EXOC6: variants seen among roughly 807,000 people sequenced by gnomAD.
EXOC6 encodes the protein exocyst complex component 6, also known as SEC15-like 1.
A neutral mutation model predicts 112.5 loss-of-function variants in EXOC6; 60 were observed. The ratio of observed to expected loss-of-function variants is 0.53; its 90% CI spans 0.43 to 0.66. EXOC6 has a LOEUF of 0.66. Ranked by LOEUF, EXOC6 falls within the 30% of genes least tolerant of loss-of-function variation. The pLI is 0.00. For synonymous variants in EXOC6, 295 were observed against 308.0 expected (o/e 0.96, Z 0.44); for missense variants, 855 against 957.1 (o/e 0.89, Z 1.41).
chr10:92,915,030 G>A (rs1196126591), intron 6 of EXOC6, among the ~76,000 whole-genome samples: 1 of 152,170 alleles, frequency 6.6e-6, no homozygotes, highest in Non-Finnish European at 1.5e-5. Flanking sequence ...TCAATTGTGG[G>A]ATAACAGCTT....
upstream of EXOC6, among the ~76,000 whole-genome samples, chr10:92,833,074 G>A (rs556975613): frequency 6.6e-6 from 1 of 152,348 alleles, no homozygotes; most frequent in African/African-American, 2.4e-5. Context: ...ATCCTGCCAT[G>A]GAGCAAAACT....
Position 92,915,832 on chromosome 10 carries a change from A to G in EXOC6, c.738A>G (p.Ile246Met), listed in dbSNP as rs752300016. The stretch of plus-strand genomic sequence containing the variant: ...TGAAATTTGGGAAAAATATGTATAT[A>G]AATCGTGATAGAATTCCAGAGGAAA... ...NKMKFGKNMYINRDRIPEERN... is the reference protein window; with the variant it reads ...NKMKFGKNMYMNRDRIPEERN... The change falls in exon 7 of 22, where the codon ATA (isoleucine) becomes ATG (methionine). Residue 246 changes from isoleucine (I) to methionine (M), a missense_variant. Physicochemically the swap from Ile to Met is conservative, Grantham distance 10. Transcript: ENST00000260762. The G allele has an allele frequency of 3.9e-6, 6 of 1,545,596 alleles. No homozygotes were observed. The highest frequency in any genetic ancestry group is 5.2e-6 in the Non-Finnish European group (6 of 1,154,626).
intron 20 of EXOC6, among the ~76,000 whole-genome samples, chr10:93,044,493 C>A (rs967903826): frequency 6.6e-6 from 1 of 152,096 alleles, no homozygotes; most frequent in Non-Finnish European, 1.5e-5. Context: ...TCCTTAGTTT[C>A]CTTATTTCCA....
intron 1 of EXOC6, among the ~76,000 whole-genome samples, chr10:92,842,440 GTCATCATCA>G (rs137992222): frequency 2.7e-5 from 4 of 147,806 alleles, no homozygotes; most frequent in South Asian, 2.1e-4. Context: ...AATGTCAGCT[GTCATCATCA>G]TCATCATCAT....
intron 4 of EXOC6, among the ~76,000 whole-genome samples, chr10:92,898,627 C>T (rs1006336449): frequency 2.6e-5 from 4 of 152,008 alleles, no homozygotes; most frequent in African/African-American, 9.7e-5. Context: ...TTTATGTGTT[C>T]CCTCTAATGC....
At chr10:92,937,052 A>G (rs2133963157) in intron 12 of EXOC6, among the ~76,000 whole-genome samples, 1 of 152,354 alleles carries the variant, frequency 6.6e-6, no homozygotes, top group East Asian at 1.9e-4. Context: ...AAATTATTTC[A>G]GAACTCAATA....
At chr10:92,915,978 C>G in intron 7 of EXOC6, 65 bp downstream of exon 7, 1 of 1,151,154 alleles carries the variant, frequency 8.7e-7, no homozygotes, top group Non-Finnish European at 1.2e-6. Flanking sequence ...TTGTAATGTA[C>G]ATCTGTGTGA....
At chr10:92,990,423 A>G (rs1051686857) in intron 18 of EXOC6, among the ~76,000 whole-genome samples, 3 of 152,196 alleles carry the variant, frequency 2.0e-5, no homozygotes, top group African/African-American at 4.8e-5. Flanking sequence ...GTCAGGGCTT[A>G]GTTGGAAGTA....
intron 20 of EXOC6, among the ~76,000 whole-genome samples, chr10:93,020,576 G>A (rs938996884): frequency 6.6e-6 from 1 of 151,998 alleles, no homozygotes; most frequent in African/African-American, 2.4e-5. Context: ...GCCTAGCTTC[G>A]AGGGCCCATC....
At chr10:92,839,174 G>A (rs1846754430) in intron 1 of EXOC6, among the ~76,000 whole-genome samples, 1 of 152,048 alleles carries the variant, frequency 6.6e-6, no homozygotes, top group Non-Finnish European at 1.5e-5. Flanking sequence ...TTTGCCCTGG[G>A]CATCATTGTT....
chr10:92,934,041 G>T, intron 9 of EXOC6, 103 bp from the exon 10 acceptor site: 1 of 675,392 alleles, frequency 1.5e-6, no homozygotes, highest in South Asian at 2.2e-5. Flanking sequence ...GCATATAGTA[G>T]ACTCTCAATA....
intron 17 of EXOC6, among the ~76,000 whole-genome samples, chr10:92,960,611 C>T (rs1404536334): frequency 8.6e-5 from 12 of 139,852 alleles, no homozygotes; most frequent in Admixed American, 7.2e-4. Context: ...AAAAAAAAGG[C>T]GAACACACTT....
chr10:92,977,311 A>G (rs537451787), intron 18 of EXOC6, among the ~76,000 whole-genome samples: 180 of 152,196 alleles, frequency 1.2e-3, no homozygotes, highest in African/African-American at 4.2e-3. Context: ...CTCTTTCTCC[A>G]TCAGAAACTG....
intron 18 of EXOC6, among the ~76,000 whole-genome samples, chr10:92,981,446 A>G (rs899484373): frequency 6.6e-6 from 1 of 152,242 alleles, no homozygotes; most frequent in Admixed American, 6.5e-5. Flanking sequence ...TAGGGGAGAC[A>G]TGTAAATGAC....
intron 20 of EXOC6, among the ~76,000 whole-genome samples, chr10:93,033,010 G>A (rs1845340010): frequency 6.6e-6 from 1 of 152,122 alleles, no homozygotes; most frequent in African/African-American, 2.4e-5. Flanking sequence ...TGGCTATAAT[G>A]TAGTGTGCAA....
intron 20 of EXOC6, among the ~76,000 whole-genome samples, chr10:93,031,833 G>C (rs1379617020): frequency 3.3e-5 from 5 of 151,912 alleles, no homozygotes; most frequent in African/African-American, 4.8e-5. Flanking sequence ...TTTAAAAGAG[G>C]CACCCCATAA....
At chr10:92,944,125 CT>C (rs560192433) in intron 13 of EXOC6, among the ~76,000 whole-genome samples, 2 of 151,984 alleles carry the variant, frequency 1.3e-5, no homozygotes, top group South Asian at 2.1e-4. Flanking sequence ...TGTATATGCA[CT>C]TTTTTTTAAT....
intron 19 of EXOC6, among the ~76,000 whole-genome samples, chr10:92,998,588 T>G (rs1198153989): frequency 2.7e-5 from 4 of 150,914 alleles, no homozygotes; most frequent in Non-Finnish European, 5.9e-5. Context: ...AGAAAATAAT[T>G]AGATAGGCTC....
intron 15 of EXOC6, among the ~76,000 whole-genome samples, chr10:92,953,006 CT>C (rs1196271959): frequency 6.6e-6 from 1 of 152,088 alleles, no homozygotes; most frequent in Non-Finnish European, 1.5e-5. Flanking sequence ...ATTTATTTTC[CT>C]TTGAGTATAT....
Sources: gnomAD v4.1 joint callset for allele counts (sites outside exome capture counted in the v4.1 genomes callset) on GRCh38, gnomAD v4.1.1 for gene constraint, MANE v1.5 for transcripts, NCBI Gene and HGNC (gene_info 2026-07-23, HGNC 2026-07-21) for gene names.